ZNF804A: variants seen among roughly 807,000 people sequenced by gnomAD.
ZNF804A encodes the protein zinc finger protein 804A.
In ZNF804A, 2 loss-of-function variants were observed where a neutral mutation model predicts 16.5. The ratio of observed to expected loss-of-function variants is 0.12; its 90% CI spans 0.05 to 0.38. ZNF804A has a LOEUF of 0.38. ZNF804A is among the 10% of genes least tolerant of loss of function. The pLI is 0.99. For missense variants in ZNF804A, 1,473 were observed against 1,390.7 expected (o/e 1.06, Z -0.94); for synonymous variants, 534 against 489.6 (o/e 1.09, Z -1.20).
At chr2:184,820,878 C>G (rs1695068109) in intron 1 of ZNF804A, among the ~76,000 whole-genome samples, 1 of 151,962 alleles carries the variant, frequency 6.6e-6, no homozygotes, top group African/African-American at 2.4e-5. Flanking sequence ...AGCACCTCTT[C>G]AAGAAGAACT....
At chr2:184,649,866 C>T (rs1046530496) in intron 1 of ZNF804A, among the ~76,000 whole-genome samples, 61 of 148,530 alleles carry the variant, frequency 4.1e-4, no homozygotes, top group African/African-American at 1.5e-3. Flanking sequence ...CAGATGGATT[C>T]ACAGCTATGT....
intron 1 of ZNF804A, among the ~76,000 whole-genome samples, chr2:184,695,510 T>C (rs1266170210): frequency 6.6e-6 from 1 of 150,964 alleles, no homozygotes; most frequent in South Asian, 2.1e-4. Context: ...TTTTTAAACT[T>C]TTTTTAAGAG....
chr2:184,860,670 G>A (rs939639410), intron 1 of ZNF804A, among the ~76,000 whole-genome samples: 1 of 152,214 alleles, frequency 6.6e-6, no homozygotes, highest in Non-Finnish European at 1.5e-5. Context: ...GGGTGGACTT[G>A]GAGGCCCTGT....
intron 1 of ZNF804A, among the ~76,000 whole-genome samples, chr2:184,788,270 T>A (rs2105777377): frequency 6.6e-6 from 1 of 152,132 alleles, no homozygotes; most frequent in African/African-American, 2.4e-5. Flanking sequence ...AGTTAAACAA[T>A]GTGATACCTT....
chr2:184,638,377 G>C (rs1691736718), intron 1 of ZNF804A, among the ~76,000 whole-genome samples: 1 of 152,072 alleles, frequency 6.6e-6, no homozygotes, highest in Non-Finnish European at 1.5e-5. Context: ...TGATGCAACA[G>C]TCATAGACAA....
At chr2:184,874,051 G>T (rs767015817) in intron 2 of ZNF804A, among the ~76,000 whole-genome samples, 1 of 152,106 alleles carries the variant, frequency 6.6e-6, no homozygotes, top group Non-Finnish European at 1.5e-5. Flanking sequence ...TTAACTGTAG[G>T]TAGGTGTTTC....
At chr2:184,883,461 G>GAC (rs1684839961) in intron 2 of ZNF804A, among the ~76,000 whole-genome samples, 1 of 151,872 alleles carries the variant, frequency 6.6e-6, no homozygotes, top group African/African-American at 2.4e-5. Flanking sequence ...ACCTGGCAGA[G>GAC]ACACACACAC....
chr2:184,672,869 G>A (rs1300509212), intron 1 of ZNF804A, among the ~76,000 whole-genome samples: 1 of 152,096 alleles, frequency 6.6e-6, no homozygotes, highest in Non-Finnish European at 1.5e-5. Flanking sequence ...AGCCTCCCAA[G>A]TAGCTGGGAC....
chr2:184,820,804 C>T (rs138226934), intron 1 of ZNF804A, among the ~76,000 whole-genome samples: 16 of 152,062 alleles, frequency 1.1e-4, no homozygotes, highest in South Asian at 4.1e-4. Flanking sequence ...CATGAATGAA[C>T]TCTCATTCAC....
At chr2:184,791,373 G>T (rs527249163) in intron 1 of ZNF804A, among the ~76,000 whole-genome samples, 64 of 152,264 alleles carry the variant, frequency 4.2e-4, no homozygotes, top group African/African-American at 1.4e-3. Flanking sequence ...AACTCTTAGT[G>T]AATGCTTGTT....
In ZNF804A at chr2:184,682,340, T is replaced by C. The variant is rs986677709; in HGVS notation, c.111+83270T>C. Among the ~76,000 whole-genome samples, 5 of 152,242 alleles carry C rather than the reference T, an allele frequency of 3.3e-5. No individual in the cohort carries two copies. The East Asian group carries it at 7.7e-4, about 23-fold the overall frequency. ...ACGTTATGGTTGAGTATTGATAATA[T>C]GTATTTAATCTTTAAGTAGTATATA... On this transcript the variant is annotated intron_variant, in intron 1 of 3. Coordinates refer to ENST00000302277, the MANE Select transcript of ZNF804A (RefSeq NM_194250.2).
intron 1 of ZNF804A, among the ~76,000 whole-genome samples, chr2:184,608,127 A>T (rs568731336): frequency 6.6e-6 from 1 of 150,628 alleles, no homozygotes; most frequent in African/African-American, 2.4e-5. Context: ...TTGTATTTTT[A>T]GTAGAGACGG....
intron 1 of ZNF804A, among the ~76,000 whole-genome samples, chr2:184,621,705 G>A (rs1691424655): frequency 6.6e-6 from 1 of 151,594 alleles, no homozygotes; most frequent in African/African-American, 2.4e-5. Flanking sequence ...ATAATTTACT[G>A]GCAGCAAGTA....
At chr2:184,788,106 C>T (rs1694478770) in intron 1 of ZNF804A, among the ~76,000 whole-genome samples, 1 of 151,892 alleles carries the variant, frequency 6.6e-6, no homozygotes, top group Admixed American at 6.6e-5. Context: ...GTCATTTTCC[C>T]ATTGTTTATT....
intron 1 of ZNF804A, among the ~76,000 whole-genome samples, chr2:184,644,802 TGTTAAGGAAACA>T (rs1691847374): frequency 6.6e-6 from 1 of 152,076 alleles, no homozygotes; most frequent in Non-Finnish European, 1.5e-5. Flanking sequence ...AAAGAGACCA[TGTTAAGGAAACA>T]TTTTAGATAA....
At chr2:184,772,771 A>G (rs903158496) in intron 1 of ZNF804A, among the ~76,000 whole-genome samples, 1 of 151,400 alleles carries the variant, frequency 6.6e-6, no homozygotes, top group African/African-American at 2.4e-5. Context: ...CCATATCCTT[A>G]CCAACCTTTC....
chr2:184,610,083 T>C (rs759317729), intron 1 of ZNF804A, among the ~76,000 whole-genome samples: 19 of 152,032 alleles, frequency 1.2e-4, no homozygotes, highest in Non-Finnish European at 2.5e-4. Context: ...AGGGAGGGTG[T>C]TTATTATTAA....
Position 184,928,691 on chromosome 2 carries a change from C to T in ZNF804A, c.256-4912C>T, listed in dbSNP as rs545743461. Among the ~76,000 whole-genome samples the T allele has an allele frequency of 2.0e-5, 3 of 152,314 alleles. No individual in the cohort carries two copies. In the East Asian group the frequency reaches 5.8e-4, roughly 29 times the overall value. On this transcript the variant is annotated intron_variant, in intron 2 of 3. Transcript: ENST00000302277. ...CTCTGGCCCAAGGTGGCAAGGCTTG[C>T]AGGAACTCAAGTTCCAACTGCTGGG...
At chr2:184,666,329 A>C (rs928063927) in intron 1 of ZNF804A, among the ~76,000 whole-genome samples, 1 of 152,190 alleles carries the variant, frequency 6.6e-6, no homozygotes, top group East Asian at 1.9e-4. Context: ...AGCTAGAAAA[A>C]CAGATTCATT....
Sources: allele counts gnomAD v4.1 joint callset (sites outside exome capture counted in the v4.1 genomes callset), GRCh38; gene constraint gnomAD v4.1.1; transcripts MANE v1.5; gene names NCBI Gene and HGNC (gene_info 2026-07-23, HGNC 2026-07-21).